The following C1orf21 variants were observed in gnomAD, a reference collection of about 807,000 sequenced individuals.
The protein encoded by C1orf21 is uncharacterized protein C1orf21.
Under a neutral mutation model 18.7 loss-of-function variants are expected in C1orf21, and 3 were observed. The ratio of observed to expected loss-of-function variants is 0.16; its 90% CI spans 0.07 to 0.42. The LOEUF (loss-of-function observed/expected upper bound fraction) is 0.42. C1orf21 is among the 10% of genes least tolerant of loss of function. The probability of loss-of-function intolerance (pLI) is 0.99; values close to 1 mark genes in which losing one functional copy is unlikely to be tolerated. For synonymous variants in C1orf21, 41 were observed against 46.4 expected (o/e 0.88, Z 0.47); for missense variants, 104 against 143.6 (o/e 0.72, Z 1.41).
At chr1:184,411,385 G>A (rs1040036324) in intron 1 of C1orf21, among the ~76,000 whole-genome samples, 1 of 149,030 alleles carries the variant, frequency 6.7e-6, no homozygotes, top group Non-Finnish European at 1.5e-5. Flanking sequence ...TTAAGCCAAC[G>A]TAATGAAAAA....
chr1:184,594,172 T>C (rs895220263), intron 4 of C1orf21, among the ~76,000 whole-genome samples: 5 of 152,142 alleles, frequency 3.3e-5, no homozygotes, highest in African/African-American at 1.2e-4. Context: ...GAACTACTAG[T>C]AGGAGTCTGT....
intron 5 of C1orf21, among the ~76,000 whole-genome samples, chr1:184,614,165 T>C (rs1558015213): frequency 6.6e-6 from 1 of 152,224 alleles, no homozygotes; most frequent in South Asian, 2.1e-4. Context: ...TATTTTCTGT[T>C]GGACCAGTTG....
At chr1:184,440,311 C>T (rs1164468465) in intron 1 of C1orf21, among the ~76,000 whole-genome samples, 1 of 152,182 alleles carries the variant, frequency 6.6e-6, no homozygotes, top group Non-Finnish European at 1.5e-5. Flanking sequence ...GGCACAATCT[C>T]GGTTCACTGC....
At chr1:184,547,455 A>C (rs1257007613) in intron 3 of C1orf21, among the ~76,000 whole-genome samples, 5 of 132,938 alleles carry the variant, frequency 3.8e-5, no homozygotes, top group African/African-American at 6.1e-5. Flanking sequence ...TCTTTGCAAA[A>C]ATGGCATGCA....
At chr1:184,450,371 C>T (rs114669451) in intron 1 of C1orf21, among the ~76,000 whole-genome samples, 350 of 152,188 alleles carry the variant, frequency 2.3e-3, no homozygotes, top group African/African-American at 7.9e-3. Flanking sequence ...TTGATGGGTG[C>T]CTGACCAGCT....
intron 3 of C1orf21, among the ~76,000 whole-genome samples, chr1:184,512,112 G>A (rs1028868585): frequency 1.3e-5 from 2 of 152,176 alleles, no homozygotes; most frequent in Non-Finnish European, 2.9e-5. Context: ...GGTGGTCTGT[G>A]CCCACAGGAG....
At chr1:184,470,935 CT>C (rs1377581091) in intron 1 of C1orf21, among the ~76,000 whole-genome samples, 2 of 151,960 alleles carry the variant, frequency 1.3e-5, no homozygotes, top group Non-Finnish European at 2.9e-5. Flanking sequence ...CTGCCATTGC[CT>C]TTGACCACTG....
Position 184,621,791 on chromosome 1 carries a change from G to A in C1orf21, c.*2235G>A, listed in dbSNP as rs1012877757. 1.3e-5 allele frequency: 2 copies of A among 152,158 alleles called. No homozygotes were observed. The highest frequency in any genetic ancestry group is 1.3e-4 in the Admixed American group (2 of 15,278). 9.4% of individuals were successfully genotyped at this position (152,158 alleles called of 1,614,324 possible). A position where few individuals can be genotyped will look rare whatever the true frequency, so the allele number is the denominator to read the frequency against. ...TGACTTTTGAGTGTTTAATAAAGCCGGAAGTGGTGTTGCCCTGAACCAGCA... is the reference window on the plus strand; with the variant it reads ...TGACTTTTGAGTGTTTAATAAAGCCAGAAGTGGTGTTGCCCTGAACCAGCA... On this transcript the variant is annotated 3_prime_UTR_variant, in exon 6 of 6. Transcript: ENST00000235307.
chr1:184,557,465 A>C (rs2101984403), intron 3 of C1orf21, among the ~76,000 whole-genome samples: 1 of 152,074 alleles, frequency 6.6e-6, no homozygotes, highest in South Asian at 2.1e-4. Context: ...GCATCCTCAT[A>C]GCTTAGCTCC....
At chr1:184,588,795 T>A (rs1189678302) in intron 3 of C1orf21, among the ~76,000 whole-genome samples, 1 of 152,190 alleles carries the variant, frequency 6.6e-6, no homozygotes, top group Non-Finnish European at 1.5e-5. Flanking sequence ...ACATTGTAAA[T>A]ACATAGTAGA....
At chr1:184,404,505 G>T (rs1429690523) in intron 1 of C1orf21, among the ~76,000 whole-genome samples, 2 of 152,144 alleles carry the variant, frequency 1.3e-5, no homozygotes, top group East Asian at 3.9e-4. Context: ...AGAGCCGAGA[G>T]AAAGTGAGAA....
chr1:184,506,205 C>G (rs1658059413), intron 2 of C1orf21, among the ~76,000 whole-genome samples: 1 of 152,054 alleles, frequency 6.6e-6, no homozygotes, highest in Non-Finnish European at 1.5e-5. Flanking sequence ...TCTAAATTGT[C>G]AGGTGGAAAA....
chr1:184,411,673 T>C (rs747353911), intron 1 of C1orf21, among the ~76,000 whole-genome samples: 28 of 152,128 alleles, frequency 1.8e-4, no homozygotes, highest in Non-Finnish European at 3.2e-4. Flanking sequence ...CCGCCCGCCT[T>C]GGCCTCCCAA....
Position 184,626,327 on chromosome 1 carries a change from G to A in C1orf21, c.*6771G>A, listed in dbSNP as rs1660009522. 6.6e-6 allele frequency: 1 copy of A among 152,252 alleles called. No homozygotes were observed. The highest frequency in any genetic ancestry group is 2.1e-4 in the South Asian group (1 of 4,824). 9.4% of individuals were successfully genotyped at this position (152,252 alleles called of 1,614,324 possible). On this transcript the variant is annotated 3_prime_UTR_variant, in exon 6 of 6. Coordinates refer to ENST00000235307, the MANE Select transcript of C1orf21 (RefSeq NM_030806.4). Reference sequence around the variant, plus strand: ...CCTGAAAGAGGTGACATCAAAGCCCGGATGTGTCAGAGGACTGAGGGAGAG... The same window carrying A: ...CCTGAAAGAGGTGACATCAAAGCCCAGATGTGTCAGAGGACTGAGGGAGAG...
At chr1:184,567,361 G>A (rs769469067) in intron 3 of C1orf21, 4 of 484,152 alleles carry the variant, frequency 8.3e-6, no homozygotes, top group Non-Finnish European at 1.7e-5. Context: ...GCCATCATCA[G>A]TCCACCTACC....
In C1orf21 at chr1:184,479,626, T is replaced by TC. The variant is rs1196318037; in HGVS notation, c.94+2023_94+2024insC. Among the ~76,000 whole-genome samples, 10 of 140,354 alleles carry TC rather than the reference T, an allele frequency of 7.1e-5. No homozygotes were observed. The East Asian group carries it at 2.1e-3, about 29-fold the overall frequency. The allele number at this position is 140,354 out of a possible 152,430, so 92.1% of individuals were successfully genotyped here. ...CCTCCCATAGGTCTTTTTTTTTTTT[T>TC]TTTTTTTTTTTTTGAGACAGTCTTG... On this transcript the variant is annotated intron_variant, in intron 2 of 5. Transcript: ENST00000235307.
At chr1:184,460,620 G>GTCGTCGTCGTCT (rs1284129710) in intron 1 of C1orf21, among the ~76,000 whole-genome samples, 2 of 112,040 alleles carry the variant, frequency 1.8e-5, no homozygotes, top group African/African-American at 7.9e-5. Flanking sequence ...TGTCGTCGTC[G>GTCGTCGTCGTCT]TCTTCTTCTT....
chr1:184,451,626 G>T (rs1211034880), intron 1 of C1orf21, among the ~76,000 whole-genome samples: 1 of 151,970 alleles, frequency 6.6e-6, no homozygotes, highest in Non-Finnish European at 1.5e-5. Flanking sequence ...TCTAATCTCA[G>T]TCTGTCCTTC....
At chr1:184,604,687 CTTAA>C (rs990440778) in intron 5 of C1orf21, among the ~76,000 whole-genome samples, 14 of 152,156 alleles carry the variant, frequency 9.2e-5, no homozygotes, top group African/African-American at 2.9e-4. Flanking sequence ...CAAATGACTT[CTTAA>C]TTGTCATGAT....
Sources: allele counts gnomAD v4.1 joint callset (sites outside exome capture counted in the v4.1 genomes callset), GRCh38; gene constraint gnomAD v4.1.1; transcripts MANE v1.5; gene names NCBI Gene and HGNC (gene_info 2026-07-23, HGNC 2026-07-21).